Variants in PELI2 observed in about 807,000 individuals in gnomAD.
PELI2 encodes E3 ubiquitin-protein ligase pellino homolog 2.
PELI2 carries 23 observed loss-of-function variants against 42.3 expected under a neutral mutation model. The ratio of observed to expected loss-of-function variants is 0.54; its 90% CI spans 0.39 to 0.77. The LOEUF is 0.77. PELI2 is among the 30% of genes least tolerant of loss of function. PELI2 has a pLI of 0.00. For synonymous variants in PELI2, 245 were observed against 212.2 expected (o/e 1.15, Z -1.34); for missense variants, 463 against 553.2 (o/e 0.84, Z 1.64).
intron 2 of PELI2, among the ~76,000 whole-genome samples, chr14:56,207,062 C>T (rs1217299248): frequency 6.6e-6 from 1 of 152,066 alleles, no homozygotes; most frequent in African/African-American, 2.4e-5. Flanking sequence ...AAATTAATAA[C>T]AAAAATTACC....
At chr14:56,131,595 C>T (rs565220454) in intron 1 of PELI2, among the ~76,000 whole-genome samples, 34 of 152,322 alleles carry the variant, frequency 2.2e-4, no homozygotes, top group Non-Finnish European at 4.4e-4. Flanking sequence ...TTTACATGTA[C>T]CAGAAATGCC....
chr14:56,125,765 T>G (rs1883234103), intron 1 of PELI2, among the ~76,000 whole-genome samples: 1 of 152,158 alleles, frequency 6.6e-6, no homozygotes, highest in East Asian at 1.9e-4. Flanking sequence ...GAGTGGCCAT[T>G]GAATTCCACC....
chr14:56,286,875 C>T (rs933050284), intron 3 of PELI2, among the ~76,000 whole-genome samples: 5 of 151,968 alleles, frequency 3.3e-5, no homozygotes, highest in Non-Finnish European at 5.9e-5. Context: ...TGTGTATGAC[C>T]GATCAAGATA....
At chr14:56,244,633 A>C (rs1230712481) in intron 2 of PELI2, among the ~76,000 whole-genome samples, 2 of 152,212 alleles carry the variant, frequency 1.3e-5, no homozygotes, top group African/African-American at 4.8e-5. Flanking sequence ...TCTTCCACCA[A>C]GAGCAGGATG....
intron 1 of PELI2, among the ~76,000 whole-genome samples, chr14:56,146,613 T>C (rs572950129): frequency 6.6e-6 from 1 of 152,308 alleles, no homozygotes; most frequent in East Asian, 1.9e-4. Flanking sequence ...TAACAGAATG[T>C]ACACAGTCAT....
intron 1 of PELI2, among the ~76,000 whole-genome samples, chr14:56,168,504 G>A (rs1351721374): frequency 6.6e-6 from 1 of 152,074 alleles, no homozygotes; most frequent in Non-Finnish European, 1.5e-5. Flanking sequence ...GTTCCCTTAC[G>A]GCCTAGAGTC....
chr14:56,192,414 G>C (rs1213672686), intron 2 of PELI2, among the ~76,000 whole-genome samples: 2 of 152,152 alleles, frequency 1.3e-5, no homozygotes, highest in Non-Finnish European at 2.9e-5. Flanking sequence ...TTGGCAGTTT[G>C]GGCCAGATAA....
At chr14:56,129,331 T>C (rs1347677593) in intron 1 of PELI2, among the ~76,000 whole-genome samples, 1 of 152,248 alleles carries the variant, frequency 6.6e-6, no homozygotes, top group Admixed American at 6.5e-5. Context: ...TTGCTCACAA[T>C]GGGCGTAGCC....
intron 1 of PELI2, among the ~76,000 whole-genome samples, chr14:56,167,640 T>C (rs1885011456): frequency 6.6e-6 from 1 of 152,252 alleles, no homozygotes. Flanking sequence ...GTGTGAAAGG[T>C]CACATATATT....
chr14:56,236,393 T>A (rs1887795504), intron 2 of PELI2, among the ~76,000 whole-genome samples: 1 of 152,162 alleles, frequency 6.6e-6, no homozygotes. Context: ...GCTGTGATCT[T>A]AGGATGCTTC....
rs182595826 is a variant in PELI2 at position 56,280,728 on chromosome 14, A to G, written c.309+951A>G. 1.8e-3 allele frequency among the ~76,000 whole-genome samples: 271 copies of G among 152,262 alleles called. 3 individuals carry two copies. Among genetic ancestry groups the G allele is most frequent in the African/African-American group, 6.2e-3 (256 of 41,576 alleles). ...ATATTCTTGGAATAGGGAAGGATCA[A>G]TAGTAAATGAAGAAATAGATTTTAC... is the stretch of plus-strand genomic sequence containing the variant. On this transcript the variant is annotated intron_variant, in intron 3 of 5. Transcript: ENST00000267460.
chr14:56,262,572 T>A (rs773804581), intron 2 of PELI2, among the ~76,000 whole-genome samples: 1 of 152,224 alleles, frequency 6.6e-6, no homozygotes, highest in Non-Finnish European at 1.5e-5. Context: ...ATAAAAATAA[T>A]TCTTTACCAT....
chr14:56,282,907 AT>A (rs201301353), intron 3 of PELI2, among the ~76,000 whole-genome samples: 1 of 151,942 alleles, frequency 6.6e-6, no homozygotes, highest in Non-Finnish European at 1.5e-5. Flanking sequence ...GATTTTAAAG[AT>A]TTTTTTTACA....
chr14:56,212,713 TTAAGACTCTTCA>T (rs1395535404), intron 2 of PELI2, among the ~76,000 whole-genome samples: 5 of 152,220 alleles, frequency 3.3e-5, no homozygotes, highest in African/African-American at 1.2e-4. Flanking sequence ...ATGCAGGGCG[TTAAGACTCTTCA>T]TAACTCTTCA....
chr14:56,257,159 C>T (rs1888554791), intron 2 of PELI2, among the ~76,000 whole-genome samples: 1 of 152,072 alleles, frequency 6.6e-6, no homozygotes, highest in African/African-American at 2.4e-5. Context: ...CTACTAAGTA[C>T]CTGCCAGATC....
intron 2 of PELI2, among the ~76,000 whole-genome samples, chr14:56,234,054 C>T (rs1594667689): frequency 1.3e-5 from 2 of 152,264 alleles, no homozygotes; most frequent in East Asian, 3.9e-4. Context: ...CAATGAGATA[C>T]CATCTCACAC....
At chr14:56,229,522 C>A (rs1228191027) in intron 2 of PELI2, among the ~76,000 whole-genome samples, 1 of 152,234 alleles carries the variant, frequency 6.6e-6, no homozygotes, top group Non-Finnish European at 1.5e-5. Context: ...AGACCTGCAG[C>A]TGAGGGTCCT....
intron 2 of PELI2, among the ~76,000 whole-genome samples, chr14:56,244,013 G>A (rs2139800445): frequency 6.6e-6 from 1 of 152,250 alleles, no homozygotes; most frequent in Non-Finnish European, 1.5e-5. Flanking sequence ...AACCCCCAAT[G>A]CTTTTGAGTC....
intron 2 of PELI2, among the ~76,000 whole-genome samples, chr14:56,220,731 C>G (rs1887097859): frequency 6.6e-6 from 1 of 152,062 alleles, no homozygotes; most frequent in South Asian, 2.1e-4. Context: ...GTCTGCATAA[C>G]CAATGGTTAG....
Sources: gnomAD v4.1 joint callset for allele counts (sites outside exome capture counted in the v4.1 genomes callset) on GRCh38, gnomAD v4.1.1 for gene constraint, MANE v1.5 for transcripts, NCBI Gene and HGNC (gene_info 2026-07-23, HGNC 2026-07-21) for gene names.